The following ELAPOR2 variants were observed in gnomAD, a reference collection of about 807,000 sequenced individuals.
The protein encoded by ELAPOR2 is endosome-lysosome associated apoptosis and autophagy regulator family member 2.
In ELAPOR2, 89 loss-of-function variants were observed where a neutral mutation model predicts 120.7. The ratio of observed to expected loss-of-function variants is 0.74; its 90% confidence interval spans 0.62 to 0.88. The LOEUF is 0.88. Ranked by LOEUF, ELAPOR2 falls within the 40% of genes least tolerant of loss-of-function variation. The pLI, the probability that ELAPOR2 is intolerant of heterozygous loss-of-function variation, is 0.00. For missense variants in ELAPOR2, 1,134 were observed against 1,251.6 expected (o/e 0.91, Z 1.42); for synonymous variants, 444 against 444.9 (o/e 1.00, Z 0.03).
At chr7:86,932,830 T>C (rs1174819377) in intron 8 of ELAPOR2, among the ~76,000 whole-genome samples, 1 of 151,938 alleles carries the variant, frequency 6.6e-6, no homozygotes, top group East Asian at 1.9e-4. Flanking sequence ...TTATTTTCTC[T>C]TTTCTCAGTG....
chr7:86,978,183 TCC>T (rs1792344074), intron 1 of ELAPOR2, among the ~76,000 whole-genome samples: 1 of 152,200 alleles, frequency 6.6e-6, no homozygotes, highest in Non-Finnish European at 1.5e-5. Flanking sequence ...ATCTGGCGTT[TCC>T]ACTGCTTGCA....
intron 19 of ELAPOR2, among the ~76,000 whole-genome samples, chr7:86,895,196 C>G (rs1788382447): frequency 1.3e-5 from 2 of 152,004 alleles, no homozygotes; most frequent in South Asian, 4.2e-4. Context: ...CCAAAGAAAT[C>G]CACATATATT....
At chr7:86,994,479 C>T (rs1793057669) in intron 1 of ELAPOR2, among the ~76,000 whole-genome samples, 1 of 152,194 alleles carries the variant, frequency 6.6e-6, no homozygotes, top group Non-Finnish European at 1.5e-5. Flanking sequence ...CCCTGAGAAA[C>T]AGCCCCACTA....
At chr7:87,043,072 A>G (rs1794836531) in intron 1 of ELAPOR2, among the ~76,000 whole-genome samples, 1 of 152,112 alleles carries the variant, frequency 6.6e-6, no homozygotes, top group South Asian at 2.1e-4. Flanking sequence ...AAGAAGTTGA[A>G]TCTCTGAATA....
At chr7:87,019,106 G>GA (rs1258047949) in intron 1 of ELAPOR2, among the ~76,000 whole-genome samples, 1 of 151,952 alleles carries the variant, frequency 6.6e-6, no homozygotes, top group Non-Finnish European at 1.5e-5. Flanking sequence ...CAGCAACATA[G>GA]AAAAAAATAT....
chr7:86,901,120 G>A (rs1788704926), intron 18 of ELAPOR2, among the ~76,000 whole-genome samples: 1 of 152,204 alleles, frequency 6.6e-6, no homozygotes, highest in Non-Finnish European at 1.5e-5. Context: ...GCTGGGGCAT[G>A]TCAGGCTAGG....
At chr7:86,943,977 A>G (rs1243594439) in intron 4 of ELAPOR2, among the ~76,000 whole-genome samples, 6 of 152,078 alleles carry the variant, frequency 3.9e-5, no homozygotes, top group Non-Finnish European at 8.8e-5. Flanking sequence ...TAGAGCCAGA[A>G]TCTCTTGACT....
chr7:86,967,463 A>G (rs1167226619), intron 1 of ELAPOR2, among the ~76,000 whole-genome samples: 2 of 152,176 alleles, frequency 1.3e-5, no homozygotes, highest in African/African-American at 2.4e-5. Context: ...CATCTCAAAA[A>G]TAAAATAAAA....
chr7:87,059,483 C>G lies in ELAPOR2; in HGVS notation c.31G>C (p.Gly11Arg), dbSNP rs911154386. The change falls in exon 1 of 22, where the codon GGC becomes CGC. Residue 11 changes from glycine to arginine, a missense_variant. Coordinates refer to ENST00000450689, the MANE Select transcript of ELAPOR2 (RefSeq NM_001142749.3). MLFRARGPVR[G>R]RGWGRPAEAP... ...TCCGCCGGCCGCCCCCAGCCCCTGC[C>G]CCGTACCGGCCCCCGGGCGCGGAAC... The G allele has an allele frequency of 8.3e-7, 1 of 1,210,894 alleles. No homozygotes were observed. Among genetic ancestry groups the G allele is most frequent in the East Asian group, 3.4e-5 (1 of 29,516 alleles). The allele number at this position is 1,210,894 out of a possible 1,614,324, so 75.0% of individuals were successfully genotyped here. A position where few individuals can be genotyped will look rare whatever the true frequency, so the allele number is the denominator to read the frequency against.
At chr7:87,008,947 A>G (rs376688861) in intron 1 of ELAPOR2, among the ~76,000 whole-genome samples, 5 of 152,206 alleles carry the variant, frequency 3.3e-5, no homozygotes, top group African/African-American at 1.2e-4. Flanking sequence ...AGCCACAAAA[A>G]AAGCTATTTC....
rs1791069228 is a variant in ELAPOR2 at position 86,947,786 on chromosome 7, G to A, written c.447C>T (p.Ile149=). Residue 149 remains isoleucine, a synonymous_variant, in exon 3 of 22, where the codon ATC becomes ATT. Coordinates refer to ENST00000450689, the MANE Select transcript of ELAPOR2 (RefSeq NM_001142749.3). ...CCACCACAGTGTCCATGAATGTTGC[G>A]ATGTTAGAAAATCCTGCCGGCAATT... is the stretch of plus-strand genomic sequence containing the variant. ...WDELPAGFSN[I]ATFMDTVVGP... The A allele has an allele frequency of 5.8e-6, 9 of 1,551,744 alleles. No individual in the cohort carries two copies. The highest frequency in any genetic ancestry group is 2.7e-5 in the African/African-American group (2 of 73,144).
At chr7:86,907,918 T>C in intron 17 of ELAPOR2, 147 bp from the exon 18 acceptor site, 1 of 465,280 alleles carries the variant, frequency 2.1e-6, no homozygotes, top group Non-Finnish European at 3.7e-6. Flanking sequence ...TTAATACAAA[T>C]TCAGCTCATT....
At chr7:87,041,513 A>T (rs1481392109) in intron 1 of ELAPOR2, among the ~76,000 whole-genome samples, 1 of 151,782 alleles carries the variant, frequency 6.6e-6, no homozygotes, top group African/African-American at 2.4e-5. Flanking sequence ...CAGCCAAACT[A>T]CTTCATAAGC....
chr7:86,978,390 C>T (rs1792352575), intron 1 of ELAPOR2, among the ~76,000 whole-genome samples: 1 of 152,116 alleles, frequency 6.6e-6, no homozygotes, highest in Non-Finnish European at 1.5e-5. Context: ...AAACATTTAT[C>T]TTTTCACAAA....
rs775141413 is a variant in ELAPOR2, at chr7:86,925,472, GA to G, written c.1399+55del. 2,258 of 1,585,538 alleles carry G rather than the reference GA, an allele frequency of 1.4e-3. 4 individuals are homozygous for G. Among genetic ancestry groups the G allele is most frequent in the Non-Finnish European group, 1.8e-3 (2,071 of 1,157,652 alleles). ...GTATGTTTTAGAGAGCTAAGTTCAAGAATGAATGATGTCTCTATTGCTGAAA... is the reference window on the plus strand; with the variant it reads ...GTATGTTTTAGAGAGCTAAGTTCAAGATGAATGATGTCTCTATTGCTGAAA... On this transcript the variant is annotated intron_variant, in intron 10 of 21. Coordinates refer to ENST00000450689, the MANE Select transcript of ELAPOR2 (RefSeq NM_001142749.3).
At chr7:86,907,837 G>A in intron 17 of ELAPOR2, 66 bp from the exon 18 acceptor site, 12 of 795,866 alleles carry the variant, frequency 1.5e-5, no homozygotes, top group Admixed American at 3.0e-5. Flanking sequence ...CAAAAATATG[G>A]GAATAATTGC....
chr7:86,945,593 G>A (rs1161371105), intron 3 of ELAPOR2, among the ~76,000 whole-genome samples: 1 of 152,110 alleles, frequency 6.6e-6, no homozygotes, highest in Non-Finnish European at 1.5e-5. Context: ...TAATACCATT[G>A]TATTGTAGGG....
chr7:86,985,908 T>C (rs1257630552), intron 1 of ELAPOR2, among the ~76,000 whole-genome samples: 1 of 151,264 alleles, frequency 6.6e-6, no homozygotes, highest in Non-Finnish European at 1.5e-5. Flanking sequence ...AGGGAACATA[T>C]CTCAAAATAA....
Position 86,990,601 on chromosome 7 carries a change from G to T in ELAPOR2, c.190-25577C>A, listed in dbSNP as rs188074137. Reference sequence around the variant, plus strand: ...AGTTCATTTCTTCACATGAAGAAATGATCCTTGTAAATCTTAGTTTCTTAA... The same window carrying T: ...AGTTCATTTCTTCACATGAAGAAATTATCCTTGTAAATCTTAGTTTCTTAA... On this transcript the variant is annotated intron_variant, in intron 1 of 21. Transcript: ENST00000450689. Among the ~76,000 whole-genome samples, 9 of 152,260 alleles carry T rather than the reference G, an allele frequency of 5.9e-5. No homozygotes were observed. The East Asian group carries it at 1.5e-3, about 26-fold the overall frequency.
Sources: gnomAD v4.1 joint callset for allele counts (sites outside exome capture counted in the v4.1 genomes callset) on GRCh38, gnomAD v4.1.1 for gene constraint, MANE v1.5 for transcripts, NCBI Gene and HGNC (gene_info 2026-07-23, HGNC 2026-07-21) for gene names.